The following GRM8 variants were observed in gnomAD, a reference collection of about 807,000 sequenced individuals.
GRM8 encodes metabotropic glutamate receptor 8.
A neutral mutation model predicts 87.2 loss-of-function variants in GRM8; 47 were observed. That is an observed-to-expected ratio of 0.54 (90% confidence interval 0.43 to 0.69). GRM8 has a LOEUF of 0.69. Ranked by LOEUF, GRM8 falls within the 30% of genes least tolerant of loss-of-function variation. GRM8 has a pLI of 0.00. For missense variants in GRM8, 1,019 were observed against 1,139.2 expected (o/e 0.89, Z 1.52); for synonymous variants, 396 against 404.5 (o/e 0.98, Z 0.25).
intron 6 of GRM8, among the ~76,000 whole-genome samples, chr7:126,892,524 T>G (rs977316820): frequency 6.6e-6 from 1 of 152,110 alleles, no homozygotes; most frequent in Non-Finnish European, 1.5e-5. Context: ...ATTTTCTTAA[T>G]CCAGTCTATC....
chr7:127,106,760 A>T, intron 2 of GRM8, 48 bp from the exon 3 acceptor site: 1 of 1,321,978 alleles, frequency 7.6e-7, no homozygotes, highest in Non-Finnish European at 1.1e-6. Context: ...AATCTTGAAG[A>T]ATGATGGATT....
At chr7:126,816,732 T>TTGTGTGTGTGTGTGTGTGTG (rs3038866) in intron 6 of GRM8, among the ~76,000 whole-genome samples, 1 of 145,826 alleles carries the variant, frequency 6.9e-6, no homozygotes, top group Non-Finnish European at 1.5e-5. Context: ...GTATATGATT[T>TTGTGTGTGTGTGTGTGTGTG]TGTGTGTGTG....
intron 3 of GRM8, among the ~76,000 whole-genome samples, chr7:126,943,364 C>A (rs1251386215): frequency 2.0e-5 from 3 of 152,142 alleles, no homozygotes; most frequent in Non-Finnish European, 4.4e-5. Context: ...CATGGCAGAG[C>A]CCTGATCTTG....
intron 2 of GRM8, among the ~76,000 whole-genome samples, chr7:127,177,595 T>C (rs114109163): frequency 2.3e-4 from 35 of 152,244 alleles, no homozygotes; most frequent in African/African-American, 7.7e-4. Flanking sequence ...ACAGAATCCA[T>C]TGAACACCCC....
At chr7:127,031,559 C>T (rs1407599341) in intron 3 of GRM8, among the ~76,000 whole-genome samples, 1 of 152,028 alleles carries the variant, frequency 6.6e-6, no homozygotes, top group Non-Finnish European at 1.5e-5. Flanking sequence ...CTGTTACAAA[C>T]TCTAAAGCTT....
chr7:126,651,194 A>G (rs1363405779), intron 7 of GRM8, among the ~76,000 whole-genome samples: 1 of 152,200 alleles, frequency 6.6e-6, no homozygotes, highest in East Asian at 1.9e-4. Context: ...TATCCCACAC[A>G]GCATTGCCTC....
chr7:126,849,208 A>G (rs1011894730), intron 6 of GRM8, among the ~76,000 whole-genome samples: 1 of 152,174 alleles, frequency 6.6e-6, no homozygotes, highest in South Asian at 2.1e-4. Flanking sequence ...AAGAAAGAAA[A>G]GAAAATTTAA....
At chr7:127,159,100 G>C (rs563641223) in intron 2 of GRM8, among the ~76,000 whole-genome samples, 15 of 152,304 alleles carry the variant, frequency 9.8e-5, no homozygotes, top group African/African-American at 3.4e-4. Flanking sequence ...AGTGGTTACA[G>C]CTGCTCAGTG....
chr7:126,680,921 C>T (rs1159879524), intron 7 of GRM8, among the ~76,000 whole-genome samples: 3 of 152,170 alleles, frequency 2.0e-5, no homozygotes, highest in African/African-American at 7.2e-5. Flanking sequence ...TTCACACACA[C>T]GTATGTATTC....
intron 3 of GRM8, among the ~76,000 whole-genome samples, chr7:126,911,288 A>G (rs542122852): frequency 6.6e-6 from 1 of 152,288 alleles, no homozygotes; most frequent in South Asian, 2.1e-4. Flanking sequence ...GATCGGGGCA[A>G]TTTTAAGGTG....
At chr7:127,049,853 CA>C (rs1819298396) in intron 3 of GRM8, among the ~76,000 whole-genome samples, 1 of 151,966 alleles carries the variant, frequency 6.6e-6, no homozygotes, top group African/African-American at 2.4e-5. Context: ...AAGAACTTCT[CA>C]AGGAAAGAGA....
intron 3 of GRM8, among the ~76,000 whole-genome samples, chr7:126,934,186 T>C (rs1426427783): frequency 6.6e-6 from 1 of 152,132 alleles, no homozygotes; most frequent in Non-Finnish European, 1.5e-5. Flanking sequence ...AAAATGGATA[T>C]AAAAATACAT....
At chr7:126,754,809 C>A (rs1331863143) in intron 7 of GRM8, among the ~76,000 whole-genome samples, 4 of 151,746 alleles carry the variant, frequency 2.6e-5, no homozygotes, top group African/African-American at 7.2e-5. Flanking sequence ...CTGGAGTTTG[C>A]AAAATATGCT....
chr7:127,050,391 T>C (rs145134808), intron 3 of GRM8, among the ~76,000 whole-genome samples: 1 of 152,182 alleles, frequency 6.6e-6, no homozygotes, highest in South Asian at 2.1e-4. Context: ...TACGAATCCA[T>C]TTCAAGTGTG....
intron 6 of GRM8, among the ~76,000 whole-genome samples, chr7:126,810,794 C>G (rs1793213142): frequency 1.3e-5 from 2 of 152,100 alleles, no homozygotes; most frequent in Admixed American, 6.5e-5. Context: ...AAACTCTCAC[C>G]TAATATGATT....
At chr7:126,882,451 C>T (rs1800107361) in intron 6 of GRM8, among the ~76,000 whole-genome samples, 1 of 151,932 alleles carries the variant, frequency 6.6e-6, no homozygotes, top group Non-Finnish European at 1.5e-5. Context: ...CTTCTTATTA[C>T]AATATATTAA....
chr7:126,726,223 A>G (rs1360683877), intron 7 of GRM8, among the ~76,000 whole-genome samples: 2 of 100,948 alleles, frequency 2.0e-5, no homozygotes, highest in African/African-American at 4.2e-5. Flanking sequence ...GATCAGGTTA[A>G]AAAAAAAACG....
At chr7:126,759,447 G>A (rs1028337680) in intron 7 of GRM8, among the ~76,000 whole-genome samples, 2 of 151,898 alleles carry the variant, frequency 1.3e-5, no homozygotes, top group Non-Finnish European at 2.9e-5. Context: ...ATGAAAGAAT[G>A]AACCCCACCT....
chr7:126,892,392 T>A (rs1801127784), intron 6 of GRM8, among the ~76,000 whole-genome samples: 1 of 152,110 alleles, frequency 6.6e-6, no homozygotes, highest in African/African-American at 2.4e-5. Flanking sequence ...CGGTGTTTGG[T>A]TTTTTGTTCC....
Sources: allele counts gnomAD v4.1 joint callset (sites outside exome capture counted in the v4.1 genomes callset), GRCh38; gene constraint gnomAD v4.1.1; transcripts MANE v1.5; gene names NCBI Gene and HGNC (gene_info 2026-07-23, HGNC 2026-07-21).